CAND2: variants seen among roughly 807,000 people sequenced by gnomAD.
CAND2 encodes the protein cullin associated and neddylation dissociated 2 (putative).
In CAND2, 62 loss-of-function variants were observed where a neutral mutation model predicts 98.9. That is an observed-to-expected ratio of 0.63 (90% CI 0.51 to 0.77). The LOEUF (loss-of-function observed/expected upper bound fraction) is 0.77. Among genes scored for constraint, CAND2 ranks in the 30% least tolerant of loss-of-function variants. The pLI is 0.00. For missense variants in CAND2, 1,501 were observed against 1,655.2 expected, an observed-to-expected ratio of 0.91 and a Z score of 1.62; for synonymous variants, 770 against 731.9, an observed-to-expected ratio of 1.05 and a Z score of -0.84.
intron 14 of CAND2, among the ~76,000 whole-genome samples, chr3:12,833,103 T>C (rs747527055): frequency 8.5e-5 from 13 of 152,204 alleles, no homozygotes; most frequent in Admixed American, 6.5e-5. Context: ...GCAACTCCAA[T>C]GCCAAGCTGT....
At chr3:12,832,978 T>C (rs1194787450) in intron 14 of CAND2, among the ~76,000 whole-genome samples, 1 of 152,208 alleles carries the variant, frequency 6.6e-6, no homozygotes, top group Non-Finnish European at 1.5e-5. Context: ...TTTAATCCTC[T>C]TGGCAACTCT....
chr3:12,810,873 A>G (rs1166959800), intron 5 of CAND2, among the ~76,000 whole-genome samples: 2 of 152,004 alleles, frequency 1.3e-5, no homozygotes, highest in Non-Finnish European at 2.9e-5. Flanking sequence ...CCTTTCCATC[A>G]CCCCCAAAAG....
intron 4 of CAND2, 127 bp from the exon 5 acceptor site, chr3:12,809,931 CT>C: frequency 9.4e-7 from 1 of 1,060,256 alleles, no homozygotes; most frequent in Non-Finnish European, 1.3e-6. Context: ...CAGGGCACCT[CT>C]TTTGCAAGGG....
rs371658293 is a variant in CAND2, at chr3:12,828,112, A to G, written c.3375+508A>G. 1.1e-4 allele frequency among the ~76,000 whole-genome samples: 17 copies of G among 152,218 alleles called. No homozygotes were observed. In the South Asian group the frequency reaches 2.3e-3, roughly 20 times the overall value. ...TGACCTGAAAGAGCTCCAAGCCCCA[A>G]TGTTGAGTGGCAAGAGCTAGTTCCA... On this transcript the variant is annotated intron_variant, in intron 13 of 14. Coordinates refer to ENST00000456430, the MANE Select transcript of CAND2 (RefSeq NM_001162499.2).
At position 12,810,248 on chromosome 3, in the gene CAND2, G is replaced by A. The variant is rs1248069976; in HGVS notation, c.681G>A (p.Val227=). Residue 227 remains valine (V), a synonymous_variant, in exon 5 of 15, where the codon GTG becomes GTA. Coordinates refer to ENST00000456430, the MANE Select transcript of CAND2 (RefSeq NM_001162499.2). ...TGGACCGGCTGCCCGGCCCGCGGGT[G>A]CCCACCAGCCCGACTGCCATCCGCA... is the stretch of plus-strand genomic sequence containing the variant. ...HLLDRLPGPR[V]PTSPTAIRTL... 1.3e-6 allele frequency: 2 copies of A among 1,519,540 alleles called. No individual in the cohort carries two copies. Among genetic ancestry groups the A allele is most frequent in the Non-Finnish European group, 1.8e-6 (2 of 1,136,010 alleles). The allele number at this position is 1,519,540 out of a possible 1,614,324, so 94.1% of individuals were successfully genotyped here.
Position 12,831,478 on chromosome 3 carries a change from T to G in CAND2, c.3389T>G (p.Ile1130Ser). ...DHYDIRMLTF[I>S]MVARLATLCP... The stretch of plus-strand genomic sequence containing the variant: ...TCCTCTGGGCAGATGCTGACCTTCA[T>G]CATGGTTGCCCGGCTGGCCACCCTG... Residue 1130 changes from isoleucine (I) to serine (S), a missense_variant, in exon 14 of 15, where the codon ATC becomes AGC. Transcript: ENST00000456430. 6.2e-7 allele frequency: 1 copy of G among 1,614,014 alleles called. No individual in the cohort carries two copies. The highest frequency in any genetic ancestry group is 8.5e-7 in the Non-Finnish European group (1 of 1,179,938).
At chr3:12,801,632 G>A (rs1321227827) in intron 1 of CAND2, among the ~76,000 whole-genome samples, 6 of 152,198 alleles carry the variant, frequency 3.9e-5, no homozygotes, top group South Asian at 2.1e-4. Context: ...CCTCACCTCC[G>A]GGTGGGTAGC....
intron 10 of CAND2, among the ~76,000 whole-genome samples, chr3:12,819,094 C>T (rs528530280): frequency 6.6e-6 from 1 of 152,340 alleles, no homozygotes; most frequent in East Asian, 1.9e-4. Flanking sequence ...CTGCTAGTCT[C>T]CTTCTCACCT....
At chr3:12,810,912 C>G (rs1012856116) in intron 5 of CAND2, among the ~76,000 whole-genome samples, 1 of 152,252 alleles carries the variant, frequency 6.6e-6, no homozygotes, top group Admixed American at 6.5e-5. Flanking sequence ...CAGTCCAGCT[C>G]TCTGCCTTGT....
At position 12,810,329 on chromosome 3, in the gene CAND2, G is replaced by GGGGGCAGGGGGCGGGGCC. The variant is rs1313724314; in HGVS notation, c.757+6_757+23dup. ...GCCAGGCCGGCCACCGCCTCGGTAA[G>GGGGGCAGGGGGCGGGGCC]GGGGCAGGGGGCGGGGCCTGGGCTG... On this transcript the variant is annotated splice_donor_region_variant and intron_variant, in intron 5 of 14. Coordinates refer to ENST00000456430, the MANE Select transcript of CAND2 (RefSeq NM_001162499.2). 2.4e-5 allele frequency: 34 copies of GGGGGCAGGGGGCGGGGCC among 1,439,488 alleles called. No individual in the cohort carries two copies. Among genetic ancestry groups the GGGGGCAGGGGGCGGGGCC allele is most frequent in the Non-Finnish European group, 3.0e-5 (33 of 1,097,640 alleles). The allele number at this position is 1,439,488 out of a possible 1,614,324, so 89.2% of individuals were successfully genotyped here.
Position 12,817,530 on chromosome 3 carries a change from C to G in CAND2, c.2598C>G (p.Leu866=). 6.2e-7 allele frequency: 1 copy of G among 1,613,784 alleles called. No homozygotes were observed. Among genetic ancestry groups the G allele is most frequent in the Non-Finnish European group, 8.5e-7 (1 of 1,179,978 alleles). The part of the protein sequence containing the change: ...PGHQRELKAV[L]LEALGSPSED... ...ACCAGCGGGAGCTGAAGGCGGTGCTCCTGGAAGCTTTGGGGTCACCCAGTG... is the reference window on the plus strand; with the variant it reads ...ACCAGCGGGAGCTGAAGGCGGTGCTGCTGGAAGCTTTGGGGTCACCCAGTG... Residue 866 remains leucine, a synonymous_variant, in exon 10 of 15, where the codon CTC becomes CTG. Coordinates refer to ENST00000456430, the MANE Select transcript of CAND2 (RefSeq NM_001162499.2).
rs747537299 is a variant in CAND2 at position 12,803,576 on chromosome 3, C to T, written c.157C>T (p.Leu53=). Reference sequence around the variant, plus strand: ...CAGCGAGCGCAAGGTGGTGAAGATGCTGCTCCGGCTCCTGGAGGACAAGAA... The same window carrying T: ...CAGCGAGCGCAAGGTGGTGAAGATGTTGCTCCGGCTCCTGGAGGACAAGAA... ...EDSERKVVKM[L]LRLLEDKNGE... The change falls in exon 2 of 15, where the codon CTG becomes TTG. Residue 53 remains leucine (L), a synonymous_variant. Transcript: ENST00000456430. 2 of 1,613,230 alleles carry T rather than the reference C, an allele frequency of 1.2e-6. No individual in the cohort carries two copies. The highest frequency in any genetic ancestry group is 2.7e-5 in the African/African-American group (2 of 74,882).
chr3:12,810,441 C>A, intron 5 of CAND2, 117 bp downstream of exon 5: 1 of 1,071,864 alleles, frequency 9.3e-7, no homozygotes, highest in Non-Finnish European at 1.2e-6. Context: ...TAAGGGTGGG[C>A]CGTCTGCCTT....
Position 12,820,575 on chromosome 3 carries a change from G to A in CAND2, c.3040+394G>A, listed in dbSNP as rs74982820. 3.2e-3 allele frequency among the ~76,000 whole-genome samples: 492 copies of A among 152,370 alleles called. 4 individuals carry two copies. The highest frequency in any genetic ancestry group is 0.011 in the African/African-American group (474 of 41,586). On this transcript the variant is annotated intron_variant, in intron 11 of 14. Transcript: ENST00000456430. Reference sequence around the variant, plus strand: ...CCTCTCACATGCCTTAGCTTTTGCGGGCCCCAAAGTGGGGCAGGGAAGAGT... The same window carrying A: ...CCTCTCACATGCCTTAGCTTTTGCGAGCCCCAAAGTGGGGCAGGGAAGAGT...
chr3:12,821,202 C>G (rs1385091602), intron 11 of CAND2, among the ~76,000 whole-genome samples: 2 of 150,072 alleles, frequency 1.3e-5, no homozygotes, highest in East Asian at 2.0e-4. Context: ...CCACTGCACT[C>G]TAGCCTGGGC....
At chr3:12,823,799 A>C (rs2061978573) in intron 11 of CAND2, among the ~76,000 whole-genome samples, 1 of 152,000 alleles carries the variant, frequency 6.6e-6, no homozygotes, top group Non-Finnish European at 1.5e-5. Flanking sequence ...TGGGAGGCTG[A>C]GGCCTGAGAA....
intron 4 of CAND2, among the ~76,000 whole-genome samples, chr3:12,809,632 A>T (rs938763647): frequency 6.6e-6 from 1 of 152,250 alleles, no homozygotes; most frequent in Admixed American, 6.5e-5. Flanking sequence ...CAGCATCTCC[A>T]AAGGCACTAG....
In CAND2 at chr3:12,817,811, T is replaced by C. The variant is rs745930680; in HGVS notation, c.2879T>C (p.Ile960Thr). The change falls in exon 10 of 15, where the codon ATT (isoleucine) becomes ACT (threonine). Residue 960 changes from isoleucine to threonine, a missense_variant. Physicochemically the swap from Ile to Thr is moderately conservative, Grantham distance 89. Coordinates refer to ENST00000456430, the MANE Select transcript of CAND2 (RefSeq NM_001162499.2). ...ACCCGGGGGGTGGTGGCCGAGTGCA[T>C]TGGGAAGCTGGTCCTTGTGAACCCT... is the stretch of plus-strand genomic sequence containing the variant. ...EGTRGVVAEC[I>T]GKLVLVNPSF... 26 of 1,524,222 alleles carry C rather than the reference T, an allele frequency of 1.7e-5. No individual in the cohort carries two copies. The highest frequency in any genetic ancestry group is 2.1e-5 in the Non-Finnish European group (24 of 1,138,376). The allele number at this position is 1,524,222 out of a possible 1,614,324, so 94.4% of individuals were successfully genotyped here.
At chr3:12,797,412 G>A (rs1032118245) in intron 1 of CAND2, among the ~76,000 whole-genome samples, 5 of 151,962 alleles carry the variant, frequency 3.3e-5, no homozygotes, top group Admixed American at 6.6e-5. Flanking sequence ...AGGGGGCTGG[G>A]CTGAGTCTGG....
Sources: allele counts gnomAD v4.1 joint callset (sites outside exome capture counted in the v4.1 genomes callset), GRCh38; gene constraint gnomAD v4.1.1; transcripts MANE v1.5; gene names NCBI Gene and HGNC (gene_info 2026-07-23, HGNC 2026-07-21).